The following WWOX variants were observed in gnomAD, a reference collection of about 807,000 sequenced individuals.
WWOX encodes the protein WW domain containing oxidoreductase, also known as WW domain-containing oxidoreductase.
In WWOX, 69 loss-of-function variants were observed where a neutral mutation model predicts 46.2. That is an observed-to-expected ratio of 1.49 (90% CI 1.23 to 1.82). The LOEUF (loss-of-function observed/expected upper bound fraction) is 1.82. WWOX is among the 40% of genes most tolerant of loss of function. The pLI, the probability that WWOX is intolerant of heterozygous loss-of-function variation, is 0.00. For missense variants in WWOX, 919 were observed against 542.6 expected (o/e 1.69, Z -6.89); for synonymous variants, 359 against 202.6 (o/e 1.77, Z -6.56).
chr16:78,214,870 C>A (rs1401493279), intron 5 of WWOX, among the ~76,000 whole-genome samples: 1 of 150,562 alleles, frequency 6.6e-6, no homozygotes, highest in African/African-American at 2.4e-5. Context: ...AAATTTGGAG[C>A]TGGGCTGGAA....
At chr16:78,787,415 C>T (rs967364948) in intron 8 of WWOX, among the ~76,000 whole-genome samples, 1 of 152,166 alleles carries the variant, frequency 6.6e-6, no homozygotes, top group Non-Finnish European at 1.5e-5. Flanking sequence ...AATGGAATCA[C>T]ACAATATGTG....
rs186241436 is a variant in WWOX, at chr16:78,200,008, C to T, written c.516+35719C>T. ...CGCTTCAGTAGAAATCACCAAGGAC[C>T]TGGTAGTCAATGTGCAACCTAATTT... On this transcript the variant is annotated intron_variant, in intron 5 of 8. Coordinates refer to ENST00000566780, the MANE Select transcript of WWOX (RefSeq NM_016373.4). Among the ~76,000 whole-genome samples the T allele has an allele frequency of 4.9e-4, 74 of 152,352 alleles. 1 individual carries two copies. The Middle Eastern group carries it at 0.01, about 21-fold the overall frequency.
chr16:78,992,931 G>T (rs1307220857), intron 8 of WWOX, among the ~76,000 whole-genome samples: 6 of 126,996 alleles, frequency 4.7e-5, no homozygotes, highest in African/African-American at 1.2e-4. Context: ...TATAATTTTT[G>T]CCTCCATTAG....
At chr16:79,183,602 C>G (rs1293450579) in intron 8 of WWOX, among the ~76,000 whole-genome samples, 2 of 152,108 alleles carry the variant, frequency 1.3e-5, no homozygotes, top group Non-Finnish European at 2.9e-5. Flanking sequence ...CAGTGTGTTC[C>G]TTATACTTAA....
chr16:79,101,672 A>G lies in WWOX; in HGVS notation c.1057-109936A>G, dbSNP rs528453727. ...GTGCTTTCCAGAAGACGCAACAGAC[A>G]GAAACTTTCCAAAGGGAATTACCTG... is the stretch of plus-strand genomic sequence containing the variant. On this transcript the variant is annotated intron_variant, in intron 8 of 8. Coordinates refer to ENST00000566780, the MANE Select transcript of WWOX (RefSeq NM_016373.4). 1.9e-4 allele frequency: 29 copies of G among 151,908 alleles called. No homozygotes were observed. In the Middle Eastern group the frequency reaches 0.014, roughly 71 times the overall value. The allele number at this position is 151,908 out of a possible 1,614,324, so 9.4% of individuals were successfully genotyped here.
chr16:78,289,804 T>G (rs2079830314), intron 5 of WWOX, among the ~76,000 whole-genome samples: 1 of 152,196 alleles, frequency 6.6e-6, no homozygotes, highest in South Asian at 2.1e-4. Context: ...TAAAATAATA[T>G]GGGCTGTAGA....
chr16:78,680,573 C>G (rs1384906004), intron 8 of WWOX, among the ~76,000 whole-genome samples: 1 of 152,148 alleles, frequency 6.6e-6, no homozygotes, highest in Admixed American at 6.5e-5. Flanking sequence ...CTATCCAATA[C>G]TTGAAGGTAG....
intron 8 of WWOX, among the ~76,000 whole-genome samples, chr16:78,799,497 A>C (rs538761500): frequency 1.8e-4 from 28 of 152,280 alleles, no homozygotes; most frequent in Admixed American, 1.4e-3. Flanking sequence ...ATGTTGTTTT[A>C]AATAATATCG....
intron 8 of WWOX, among the ~76,000 whole-genome samples, chr16:78,985,436 C>G (rs368442260): frequency 1.3e-5 from 2 of 152,194 alleles, no homozygotes; most frequent in East Asian, 3.9e-4. Context: ...CTGGCTAGTA[C>G]AGATCTCTCC....
chr16:78,563,605 C>A (rs1309636362), intron 8 of WWOX, among the ~76,000 whole-genome samples: 2 of 150,826 alleles, frequency 1.3e-5, no homozygotes, highest in East Asian at 3.9e-4. Context: ...TAGGAAGCTA[C>A]CTCTCTTCCA....
intron 8 of WWOX, among the ~76,000 whole-genome samples, chr16:78,958,784 T>G (rs572306827): frequency 6.6e-6 from 1 of 152,324 alleles, no homozygotes; most frequent in East Asian, 1.9e-4. Context: ...TAGTTTAATC[T>G]GAAAATAGGA....
intron 8 of WWOX, among the ~76,000 whole-genome samples, chr16:78,544,320 A>G (rs181978099): frequency 2.6e-5 from 4 of 152,326 alleles, no homozygotes; most frequent in Admixed American, 2.0e-4. Context: ...TAATAATACA[A>G]TCATAGTTAC....
At chr16:78,243,250 C>G (rs568444613) in intron 5 of WWOX, among the ~76,000 whole-genome samples, 4 of 152,310 alleles carry the variant, frequency 2.6e-5, no homozygotes, top group African/African-American at 9.6e-5. Context: ...AGTGTATCTA[C>G]TAACACCTAT....
chr16:78,213,630 A>G (rs1318986428), intron 5 of WWOX, among the ~76,000 whole-genome samples: 1 of 152,084 alleles, frequency 6.6e-6, no homozygotes, highest in Non-Finnish European at 1.5e-5. Flanking sequence ...TACAGATTAA[A>G]AAAAGAACTG....
At chr16:79,209,025 G>T (rs76302700) in intron 8 of WWOX, among the ~76,000 whole-genome samples, 21,547 of 152,164 alleles carry the variant, frequency 0.14, 1,842 homozygotes, top group East Asian at 0.27. Context: ...CTTTGCTTTC[G>T]GGTGCCCCTC....
At chr16:78,168,944 A>T (rs185223284) in intron 5 of WWOX, among the ~76,000 whole-genome samples, 2 of 152,314 alleles carry the variant, frequency 1.3e-5, no homozygotes, top group East Asian at 3.9e-4. Flanking sequence ...AAAAATGAAA[A>T]CAATTAAAAC....
intron 8 of WWOX, among the ~76,000 whole-genome samples, chr16:79,164,439 G>A (rs2050551526): frequency 6.6e-6 from 1 of 152,112 alleles, no homozygotes; most frequent in Admixed American, 6.5e-5. Flanking sequence ...TGACTTTGAG[G>A]TCCTCATTAT....
intron 8 of WWOX, among the ~76,000 whole-genome samples, chr16:78,460,924 C>A (rs557378294): frequency 1.3e-5 from 2 of 152,266 alleles, no homozygotes; most frequent in South Asian, 4.1e-4. Context: ...AATAGGCCCT[C>A]CAGATATCAG....
Position 78,358,290 on chromosome 16 carries a change from CTA to C in WWOX, c.517-28568_517-28567del, listed in dbSNP as rs2081339315. ...TTATACACTCACATACAAAACGTAT[CTA>C]TTTGATTAAATTAGAACTCTGCTAA... On this transcript the variant is annotated intron_variant, in intron 5 of 8. Transcript: ENST00000566780. 3.3e-5 allele frequency among the ~76,000 whole-genome samples: 5 copies of C among 152,284 alleles called. No individual in the cohort carries two copies. In the South Asian group the frequency reaches 1.0e-3, roughly 32 times the overall value.
Sources: allele counts gnomAD v4.1 joint callset (sites outside exome capture counted in the v4.1 genomes callset), GRCh38; gene constraint gnomAD v4.1.1; transcripts MANE v1.5; gene names NCBI Gene and HGNC (gene_info 2026-07-23, HGNC 2026-07-21).